NUP205: variants seen among roughly 807,000 people sequenced by gnomAD.
The protein encoded by NUP205 is nucleoporin 205, also known as nuclear pore complex protein Nup205.
A neutral mutation model predicts 253.8 loss-of-function variants in NUP205; 76 were observed. That is an observed-to-expected ratio of 0.30 (90% CI 0.25 to 0.36). The LOEUF is 0.36. Among genes scored for constraint, NUP205 ranks in the 10% least tolerant of loss-of-function variants. The probability of loss-of-function intolerance (pLI) is 1.00; values close to 1 mark genes in which losing one functional copy is unlikely to be tolerated. For synonymous variants in NUP205, 832 were observed against 850.1 expected, an observed-to-expected ratio of 0.98 and a Z score of 0.37; for missense variants, 2,162 against 2,425.5, an observed-to-expected ratio of 0.89 and a Z score of 2.28.
At chr7:135,627,843 G>A in intron 33 of NUP205, 130 bp from the exon 34 acceptor site, 1 of 782,004 alleles carries the variant, frequency 1.3e-6, no homozygotes, top group Non-Finnish European at 2.1e-6. Context: ...TATATGGGAT[G>A]CAGAGTACTC....
Position 135,602,948 on chromosome 7 carries a change from A to G in NUP205, c.2656A>G (p.Ile886Val), listed in dbSNP as rs753318533. 6.2e-7 allele frequency: 1 copy of G among 1,613,694 alleles called. No individual in the cohort carries two copies. The highest frequency in any genetic ancestry group is 1.1e-5 in the South Asian group (1 of 91,016). ...VCPLEQLLQG[I>V]NPRTKKADNV... ...TCCTTTAGAACAGCTTTTGCAGGGAATTAATCCCAGAACTAAGAAGGCAGA... is the reference window on the plus strand; with the variant it reads ...TCCTTTAGAACAGCTTTTGCAGGGAGTTAATCCCAGAACTAAGAAGGCAGA... The change falls in exon 18 of 43, where the codon ATT (isoleucine) becomes GTT (valine). Residue 886 changes from isoleucine (I) to valine (V), a missense_variant. By Grantham distance (29) the Ile-to-Val change is conservative. Coordinates refer to ENST00000285968, the MANE Select transcript of NUP205 (RefSeq NM_015135.3).
chr7:135,591,513 T>C lies in NUP205; in HGVS notation c.1537T>C (p.Tyr513His). Residue 513 changes from tyrosine (Y) to histidine (H), a missense_variant, in exon 11 of 43, where the codon TAT (tyrosine) becomes CAT (histidine). This residue lies in a region of NUP205 where 892 missense variants were observed against 957.1 expected (regional missense o/e 0.93). Coordinates refer to ENST00000285968, the MANE Select transcript of NUP205 (RefSeq NM_015135.3). ...DLLPPTIYIP[Y>H]LKMLQGLANG... ...GTTGCCTCCAACTATTTATATTCCT[T>C]ATTTGAAGATGCTCCAGGGATTGGC... 1 of 1,614,082 alleles carries C rather than the reference T, an allele frequency of 6.2e-7. No homozygotes were observed. Among genetic ancestry groups the C allele is most frequent in the Non-Finnish European group, 8.5e-7 (1 of 1,179,928 alleles).
In NUP205 at chr7:135,587,522, T is replaced by C. The variant is rs10271506; in HGVS notation, c.1219-53T>C. ...AGACAGTTGCCTGATTTCATTATTATTAGCATGTACAATACATTTACATAT... is the reference window on the plus strand; with the variant it reads ...AGACAGTTGCCTGATTTCATTATTACTAGCATGTACAATACATTTACATAT... On this transcript the variant is annotated intron_variant, in intron 8 of 42. Coordinates refer to ENST00000285968, the MANE Select transcript of NUP205 (RefSeq NM_015135.3). 272,065 of 998,606 alleles carry C rather than the reference T, an allele frequency of 0.27. 38,839 individuals carry two copies. Among genetic ancestry groups the C allele is most frequent in the Middle Eastern group, 0.43 (1,842 of 4,268 alleles). 61.9% of individuals were successfully genotyped at this position (998,606 alleles called of 1,614,324 possible).
At chr7:135,591,357 C>T in intron 10 of NUP205, 93 bp from the exon 11 acceptor site, 1 of 1,061,058 alleles carries the variant, frequency 9.4e-7, no homozygotes, top group Non-Finnish European at 1.4e-6. Flanking sequence ...CAGAGCACTA[C>T]TTTTAGTTTA....
intron 1 of NUP205, among the ~76,000 whole-genome samples, chr7:135,569,274 T>C (rs546048235): frequency 1.3e-5 from 2 of 152,170 alleles, no homozygotes; most frequent in Non-Finnish European, 2.9e-5. Context: ...GGTTTCACCA[T>C]GTAGGCCAGG....
Position 135,567,176 on chromosome 7 carries a change from A to G in NUP205, c.29-3929A>G, listed in dbSNP as rs74379904. Among the ~76,000 whole-genome samples, 20 of 108,268 alleles carry G rather than the reference A, an allele frequency of 1.8e-4. 1 individual carries two copies. Among genetic ancestry groups the G allele is most frequent in the South Asian group, 1.6e-3 (6 of 3,690 alleles). 71.0% of individuals were successfully genotyped at this position (108,268 alleles called of 152,430 possible). Reference sequence around the variant, plus strand: ...TATATATATATATATATATATATATATATATGTATATATGGTCCCTCAGTA... The same window carrying G: ...TATATATATATATATATATATATATGTATATGTATATATGGTCCCTCAGTA... On this transcript the variant is annotated intron_variant, in intron 1 of 42. Transcript: ENST00000285968.
At chr7:135,634,728 G>A (rs1188784386) in intron 35 of NUP205, among the ~76,000 whole-genome samples, 18 of 152,244 alleles carry the variant, frequency 1.2e-4, no homozygotes, top group Non-Finnish European at 4.4e-5. Context: ...ATAAGCTCTC[G>A]GGAAGCGGTG....
At position 135,602,813 on chromosome 7, in the gene NUP205, C is replaced by T. The variant is rs1312622668; in HGVS notation, c.2521C>T (p.His841Tyr). ...TTATTTTTGGTTGATAGGGAAAAAA[C>T]ACCTGGAGAAAGCAGTACAGCATTG... ...DTYAPFPGKK[H>Y]LEKAVQHCLA... The change falls in exon 18 of 43, where the codon CAC becomes TAC. Residue 841 changes from histidine to tyrosine, a missense_variant. By Grantham distance (83) the His-to-Tyr change is moderately conservative. Transcript: ENST00000285968. The T allele has an allele frequency of 1.2e-6, 2 of 1,605,068 alleles. No individual in the cohort carries two copies. Among genetic ancestry groups the T allele is most frequent in the Non-Finnish European group, 1.7e-6 (2 of 1,177,942 alleles).
Position 135,615,873 on chromosome 7 carries a change from T to C in NUP205, c.3311-43T>C. 2.1e-6 allele frequency: 3 copies of C among 1,463,026 alleles called. No individual in the cohort carries two copies. In the East Asian group the frequency reaches 7.0e-5, roughly 34 times the overall value. 90.6% of individuals were successfully genotyped at this position (1,463,026 alleles called of 1,614,324 possible). A position where few individuals can be genotyped will look rare whatever the true frequency, so the allele number is the denominator to read the frequency against. ...AGAATTTAAGTCTGTTTTGATACTGTGTTATTACTCTGGGAAACAAAATTT... is the reference window on the plus strand; with the variant it reads ...AGAATTTAAGTCTGTTTTGATACTGCGTTATTACTCTGGGAAACAAAATTT... On this transcript the variant is annotated intron_variant, in intron 23 of 42. Coordinates refer to ENST00000285968, the MANE Select transcript of NUP205 (RefSeq NM_015135.3).
intron 7 of NUP205, among the ~76,000 whole-genome samples, chr7:135,580,210 T>A (rs1275582524): frequency 6.6e-6 from 1 of 152,216 alleles, no homozygotes; most frequent in Non-Finnish European, 1.5e-5. Flanking sequence ...GAACATTTTG[T>A]TTTCACTAGT....
In NUP205 at chr7:135,606,829, T is replaced by C. The variant is rs1794096235; in HGVS notation, c.2984T>C (p.Leu995Pro). Residue 995 changes from leucine (L) to proline (P), a missense_variant, in exon 21 of 43, where the codon CTG (leucine) becomes CCG (proline). Physicochemically the swap from Leu to Pro is moderately conservative, Grantham distance 98. Coordinates refer to ENST00000285968, the MANE Select transcript of NUP205 (RefSeq NM_015135.3). The stretch of plus-strand genomic sequence containing the variant: ...ATCTTGAATCTTCTCATTACCTCTC[T>C]GGAATGCAATCCACCCAATCTTGCT... ...IHILNLLITS[L>P]ECNPPNLALY... 4.3e-6 allele frequency: 7 copies of C among 1,613,666 alleles called. No individual in the cohort carries two copies. Among genetic ancestry groups the C allele is most frequent in the Non-Finnish European group, 5.9e-6 (7 of 1,179,566 alleles).
chr7:135,631,823 C>G (rs1054481556), intron 35 of NUP205, among the ~76,000 whole-genome samples: 7 of 149,744 alleles, frequency 4.7e-5, no homozygotes, highest in African/African-American at 1.5e-4. Flanking sequence ...GATCTCGGCT[C>G]ACTGCAAGCT....
intron 2 of NUP205, among the ~76,000 whole-genome samples, chr7:135,573,183 A>G (rs1441897321): frequency 6.6e-6 from 1 of 152,132 alleles, no homozygotes; most frequent in Non-Finnish European, 1.5e-5. Context: ...TCTATCAGCT[A>G]ATTCTGTACT....
intron 38 of NUP205, among the ~76,000 whole-genome samples, chr7:135,640,334 T>G (rs933868305): frequency 2.0e-5 from 3 of 152,354 alleles, no homozygotes; most frequent in East Asian, 1.9e-4. Flanking sequence ...GCTAGTAGTA[T>G]TAAATTTGTT....
Position 135,644,940 on chromosome 7 carries a change from G to T in NUP205, c.5605G>T (p.Ala1869Ser), listed in dbSNP as rs1292792093. 6.2e-7 allele frequency: 1 copy of T among 1,614,044 alleles called. No individual in the cohort carries two copies. ...MPAGVDKIST[A>S]QKYVLARRRL... ...TGCTGGTGTTGATAAAATCTCCACT[G>T]CTCAGAAATATGTTCTAGCAAGACG... The change falls in exon 40 of 43, where the codon GCT (alanine) becomes TCT (serine). Residue 1869 changes from alanine to serine, a missense_variant. Transcript: ENST00000285968.
chr7:135,609,647 C>CAA (rs928689709), intron 22 of NUP205, among the ~76,000 whole-genome samples: 2 of 134,016 alleles, frequency 1.5e-5, no homozygotes, highest in Non-Finnish European at 3.2e-5. Context: ...GACCCCATCT[C>CAA]AAAAAAAAAA....
chr7:135,576,450 G>T (rs1209249208), intron 4 of NUP205, 36 bp downstream of exon 4: 12 of 1,574,744 alleles, frequency 7.6e-6, no homozygotes, highest in Non-Finnish European at 1.0e-5. Flanking sequence ...GGGTTAATTT[G>T]AAATTACTTG....
At chr7:135,565,375 T>C (rs1168533129) in intron 1 of NUP205, among the ~76,000 whole-genome samples, 1 of 152,136 alleles carries the variant, frequency 6.6e-6, no homozygotes, top group African/African-American at 2.4e-5. Flanking sequence ...TCCTTTCTGT[T>C]ACTAACAGAC....
rs192719794 is a variant in NUP205, at chr7:135,625,207, A to C, written c.4523A>C (p.Lys1508Thr). The change falls in exon 32 of 43, where the codon AAA becomes ACA. Residue 1508 changes from lysine to threonine, a missense_variant. Physicochemically the swap from Lys to Thr is moderately conservative, Grantham distance 78. Transcript: ENST00000285968. The part of the protein sequence containing the change: ...ALLDRIVSVD[K>T]QQQWLLYLSN... ...CTTGATAGAATTGTCTCCGTGGATAAACAGCAGCAGTGGCTTTTGTATCTT... is the reference window on the plus strand; with the variant it reads ...CTTGATAGAATTGTCTCCGTGGATACACAGCAGCAGTGGCTTTTGTATCTT... The C allele has an allele frequency of 7.4e-6, 12 of 1,613,752 alleles. No homozygotes were observed. Among genetic ancestry groups the C allele is most frequent in the Non-Finnish European group, 1.0e-5 (12 of 1,179,942 alleles).
Sources: gnomAD v4.1 joint callset for allele counts (sites outside exome capture counted in the v4.1 genomes callset) on GRCh38, gnomAD v4.1.1 for gene constraint, gnomAD v4.1.1 regional missense constraint, MANE v1.5 for transcripts, NCBI Gene and HGNC (gene_info 2026-07-23, HGNC 2026-07-21) for gene names.